The following CASKIN1 variants were observed in gnomAD, a reference collection of about 807,000 sequenced individuals.
CASKIN1 encodes the protein caskin-1.
CASKIN1 carries 42 observed loss-of-function variants against 117.5 expected under a neutral mutation model. The ratio of observed to expected loss-of-function variants is 0.36; its 90% CI spans 0.28 to 0.46. CASKIN1 has a LOEUF of 0.46. Ranked by LOEUF, CASKIN1 falls within the 20% of genes least tolerant of loss-of-function variation. CASKIN1 has a pLI of 1.00. For missense variants in CASKIN1, 2,083 were observed against 2,077.3 expected (o/e 1.00, Z -0.05); for synonymous variants, 1,148 against 961.7 (o/e 1.19, Z -3.59).
At position 2,179,361 on chromosome 16, in the gene CASKIN1, G is replaced by T; in HGVS notation, c.3776-36C>A. 1.5e-6 allele frequency: 2 copies of T among 1,323,854 alleles called. No homozygotes were observed. The highest frequency in any genetic ancestry group is 2.3e-5 in the South Asian group (1 of 43,740). The allele number at this position is 1,323,854 out of a possible 1,614,324, so 82.0% of individuals were successfully genotyped here. A position where few individuals can be genotyped will look rare whatever the true frequency, so the allele number is the denominator to read the frequency against. ...GACCACGCTGGCACCGAGCGGGCAC[G>T]AGTTCCGCCGCCGCGCCCCCTGCCC... On this transcript the variant is annotated intron_variant, in intron 18 of 19. Transcript: ENST00000343516. The surrounding 1 kb of genome is among the most constrained non-coding windows in gnomAD (Gnocchi z 5.8).
Position 2,180,975 on chromosome 16 carries a change from G to A in CASKIN1, c.2393C>T (p.Ala798Val). 6.8e-7 allele frequency: 1 copy of A among 1,474,070 alleles called. No individual in the cohort carries two copies. The highest frequency in any genetic ancestry group is 8.9e-7 in the Non-Finnish European group (1 of 1,117,910). The allele number at this position is 1,474,070 out of a possible 1,614,324, so 91.3% of individuals were successfully genotyped here. Residue 798 changes from alanine (A) to valine (V), a missense_variant, in exon 18 of 20, where the codon GCC (alanine) becomes GTC (valine). Physicochemically the swap from Ala to Val is moderately conservative, Grantham distance 64. Around this residue, in one of 3 missense-constraint regions of CASKIN1, gnomAD observed 1,818 missense variants for 1,688.9 expected, o/e 1.08. Transcript: ENST00000343516. The stretch of plus-strand genomic sequence containing the variant: ...GGGCTTCACCTTGGCCGTAGCTGGG[G>A]CTGGACCATGAGGTCCCCCAAGGGC... ...PQALGGPHGP[A>V]PATAKVKPTP... is the part of the protein sequence containing the mutation.
At position 2,179,876 on chromosome 16, in the gene CASKIN1, T is replaced by C. The variant is rs756516707; in HGVS notation, c.3492A>G (p.Pro1164=). The C allele has an allele frequency of 1.9e-6, 3 of 1,604,610 alleles. No individual in the cohort carries two copies. The highest frequency in any genetic ancestry group is 2.2e-5 in the South Asian group (2 of 90,254). The change falls in exon 18 of 20, where the codon CCA becomes CCG. Residue 1164 remains proline, a synonymous_variant. Coordinates refer to ENST00000343516, the MANE Select transcript of CASKIN1 (RefSeq NM_020764.4). This position sits in a 1 kb window ranked among gnomAD's most constrained non-coding sequence, Gnocchi z 5.8. The part of the protein sequence containing the change: ...AKEREAGPEP[P]PPLSVYHNGT... Reference sequence around the variant, plus strand: ...CATTATGGTACACGGACAGTGGCGGTGGTGGCTCAGGCCCGGCCTCCCGCT... The same window carrying C: ...CATTATGGTACACGGACAGTGGCGGCGGTGGCTCAGGCCCGGCCTCCCGCT...
chr16:2,187,105 G>A (rs2141321967), intron 8 of CASKIN1, 33 bp from the exon 9 acceptor site: 2 of 1,612,814 alleles, frequency 1.2e-6, no homozygotes, highest in Admixed American at 1.7e-5. Flanking sequence ...CCGAAGTCCT[G>A]CGGGCTGATC....
In CASKIN1 at chr16:2,181,038, G is replaced by T; in HGVS notation, c.2330C>A (p.Pro777His). The change falls in exon 18 of 20, where the codon CCC (proline) becomes CAC (histidine). Residue 777 changes from proline to histidine, a missense_variant. Physicochemically the swap from Pro to His is moderately conservative, Grantham distance 77. Around this residue, in one of 3 missense-constraint regions of CASKIN1, gnomAD observed 1,818 missense variants for 1,688.9 expected, o/e 1.08. Transcript: ENST00000343516. ...LPPGTSHFTP[P>H]QTPTKTRPGS... is the part of the protein sequence containing the mutation. ...TGGTCGGGTTTTGGTGGGCGTCTGG[G>T]GGGGCGTGAAGTGGCTAGTGCCTGG... is the stretch of plus-strand genomic sequence containing the variant. The T allele has an allele frequency of 1.3e-6, 2 of 1,487,428 alleles. No individual in the cohort carries two copies. Among genetic ancestry groups the T allele is most frequent in the Non-Finnish European group, 1.8e-6 (2 of 1,123,380 alleles). The allele number at this position is 1,487,428 out of a possible 1,614,324, so 92.1% of individuals were successfully genotyped here.
chr16:2,187,204 G>A lies in CASKIN1; in HGVS notation c.797C>T (p.Thr266Met), dbSNP rs766252873. 8.1e-6 allele frequency: 13 copies of A among 1,613,910 alleles called. No individual in the cohort carries two copies. The highest frequency in any genetic ancestry group is 3.3e-5 in the Admixed American group (2 of 60,006). Reference sequence around the variant, plus strand: ...CTTGATCTCCCTGCTGGCCTGGGACGTGGTGAACTGGTGCACGATGTCCAG... The same window carrying A: ...CTTGATCTCCCTGCTGGCCTGGGACATGGTGAACTGGTGCACGATGTCCAG... ...TALDIVHQFT[T>M]SQASREIKQL... Residue 266 changes from threonine to methionine, a missense_variant, in exon 8 of 20, where the codon ACG becomes ATG. By Grantham distance (81) the Thr-to-Met change is moderately conservative. Coordinates refer to ENST00000343516, the MANE Select transcript of CASKIN1 (RefSeq NM_020764.4).
intron 16 of CASKIN1, 57 bp downstream of exon 16, chr16:2,183,585 CTCTG>C (rs878972437): frequency 2.7e-4 from 397 of 1,495,952 alleles, no homozygotes; most frequent in Middle Eastern, 6.0e-4. Context: ...GAGGCAGGTT[CTCTG>C]TCTGTCTGTC....
chr16:2,177,183 G>GAGA lies in CASKIN1; in HGVS notation c.*1366_*1367insTCT. 4.1e-6 allele frequency: 1 copy of GAGA among 245,722 alleles called. No individual in the cohort carries two copies. The highest frequency in any genetic ancestry group is 8.1e-6 in the Non-Finnish European group (1 of 124,090). 15.2% of individuals were successfully genotyped at this position (245,722 alleles called of 1,614,324 possible). ...CCCAAAAAGTGAGCCAGGCACCTCT[G>GAGA]TTTCCTGCTGTTTATTGACAGCCGA... On this transcript the variant is annotated 3_prime_UTR_variant, in exon 20 of 20. Coordinates refer to ENST00000343516, the MANE Select transcript of CASKIN1 (RefSeq NM_020764.4).
chr16:2,184,005 C>G, intron 14 of CASKIN1, 64 bp from the exon 15 acceptor site: 43 of 1,130,534 alleles, frequency 3.8e-5, no homozygotes, highest in Non-Finnish European at 5.3e-5. Context: ...ACCACAGTGC[C>G]GCCTCCTCTG....
In CASKIN1 at chr16:2,181,140, C is replaced by T. The variant is rs762572509; in HGVS notation, c.2228G>A (p.Arg743Gln). The T allele has an allele frequency of 4.3e-5, 64 of 1,482,962 alleles. No homozygotes were observed. The highest frequency in any genetic ancestry group is 4.0e-4 in the Middle Eastern group (2 of 4,956). 91.9% of individuals were successfully genotyped at this position (1,482,962 alleles called of 1,614,324 possible). The change falls in exon 18 of 20, where the codon CGG becomes CAG. Residue 743 changes from arginine to glutamine, a missense_variant. Arg to Gln is a conservative substitution (Grantham distance 43). Around this residue, in one of 3 missense-constraint regions of CASKIN1, gnomAD observed 1,818 missense variants for 1,688.9 expected, o/e 1.08. Transcript: ENST00000343516. ...PAPGTPPREA[R>Q]PGRHGHSIKR... The stretch of plus-strand genomic sequence containing the variant: ...GATGCTGTGGCCGTGGCGGCCGGGC[C>T]GGGCCTCCCTGGGCGGGGTGCCGGG...
At position 2,179,487 on chromosome 16, in the gene CASKIN1, C is replaced by A; in HGVS notation, c.3775+106G>T. 3 of 1,390,840 alleles carry A rather than the reference C, an allele frequency of 2.2e-6. No homozygotes were observed. Among genetic ancestry groups the A allele is most frequent in the Admixed American group, 6.3e-5 (2 of 31,646 alleles). The allele number at this position is 1,390,840 out of a possible 1,614,324, so 86.2% of individuals were successfully genotyped here. A position where few individuals can be genotyped will look rare whatever the true frequency, so the allele number is the denominator to read the frequency against. On this transcript the variant is annotated intron_variant, in intron 18 of 19. Transcript: ENST00000343516. This position sits in a 1 kb window ranked among gnomAD's most constrained non-coding sequence, Gnocchi z 5.8. ...AGGGTCTGGGGACACGTTCCCACCCCACCTGGGCTTCCATCAAACCCAAGA... is the reference window on the plus strand; with the variant it reads ...AGGGTCTGGGGACACGTTCCCACCCAACCTGGGCTTCCATCAAACCCAAGA...
Position 2,184,836 on chromosome 16 carries a change from C to T in CASKIN1, c.1357G>A (p.Ala453Thr), listed in dbSNP as rs762014225. Reference sequence around the variant, plus strand: ...GGCTGCTCCCCATAGACCTGCCCGGCGTGGGCCACTGGAGGCTGGGACCGG... The same window carrying T: ...GGCTGCTCCCCATAGACCTGCCCGGTGTGGGCCACTGGAGGCTGGGACCGG... The part of the protein sequence containing the change: ...VARSQPPVAH[A>T]GQVYGEQPPK... The change falls in exon 14 of 20, where the codon GCC becomes ACC. Residue 453 changes from alanine (A) to threonine (T), a missense_variant. Ala to Thr is a moderately conservative substitution (Grantham distance 58). Coordinates refer to ENST00000343516, the MANE Select transcript of CASKIN1 (RefSeq NM_020764.4). 4.4e-5 allele frequency: 68 copies of T among 1,558,936 alleles called. 1 individual carries two copies. The highest frequency in any genetic ancestry group is 8.3e-5 in the South Asian group (7 of 84,664).
intron 1 of CASKIN1, among the ~76,000 whole-genome samples, chr16:2,195,140 G>C (rs549908294): frequency 6.6e-6 from 1 of 152,302 alleles, no homozygotes; most frequent in East Asian, 1.9e-4. Context: ...CTGAGCCCCC[G>C]GACCTGAAAT....
At chr16:2,190,883 C>T (rs2141326845) in intron 1 of CASKIN1, among the ~76,000 whole-genome samples, 1 of 152,356 alleles carries the variant, frequency 6.6e-6, no homozygotes, top group East Asian at 1.9e-4. Flanking sequence ...GGGCCACAGC[C>T]AGTGTGGATG....
intron 1 of CASKIN1, among the ~76,000 whole-genome samples, chr16:2,194,170 G>T (rs1053501139): frequency 6.6e-6 from 1 of 152,184 alleles, no homozygotes; most frequent in African/African-American, 2.4e-5. Context: ...AGGGGGATGG[G>T]GAGCTGGCCC....
At position 2,181,135 on chromosome 16, in the gene CASKIN1, C is replaced by G. The variant is rs764900493; in HGVS notation, c.2233G>C (p.Gly745Arg). 3 of 1,478,118 alleles carry G rather than the reference C, an allele frequency of 2.0e-6. No homozygotes were observed. In the South Asian group the frequency reaches 4.2e-5, roughly 20 times the overall value. 91.6% of individuals were successfully genotyped at this position (1,478,118 alleles called of 1,614,324 possible). A position where few individuals can be genotyped will look rare whatever the true frequency, so the allele number is the denominator to read the frequency against. ...PGTPPREARP[G>R]RHGHSIKRAS... ...CTCTTGATGCTGTGGCCGTGGCGGC[C>G]GGGCCGGGCCTCCCTGGGCGGGGTG... Residue 745 changes from glycine to arginine, a missense_variant, in exon 18 of 20, where the codon GGC (glycine) becomes CGC (arginine). Gly to Arg is a moderately radical substitution (Grantham distance 125). This residue lies in a region of CASKIN1 where 1,818 missense variants were observed against 1,688.9 expected (regional missense o/e 1.08). Coordinates refer to ENST00000343516, the MANE Select transcript of CASKIN1 (RefSeq NM_020764.4).
intron 6 of CASKIN1, 68 bp downstream of exon 6, chr16:2,188,959 C>T: frequency 6.5e-7 from 1 of 1,547,076 alleles, no homozygotes; most frequent in Admixed American, 1.9e-5. Context: ...AGCTGGTGCC[C>T]TGAGCCCCAG....
At chr16:2,193,584 C>G (rs556912228) in intron 1 of CASKIN1, among the ~76,000 whole-genome samples, 32 of 152,354 alleles carry the variant, frequency 2.1e-4, no homozygotes, top group African/African-American at 7.5e-4. Context: ...ACAGCTGAGG[C>G]AGCCAGTGTG....
In CASKIN1 at chr16:2,178,362, T is replaced by C. The variant is rs1246683957; in HGVS notation, c.*188A>G. 7 of 467,670 alleles carry C rather than the reference T, an allele frequency of 1.5e-5. No homozygotes were observed. Among genetic ancestry groups the C allele is most frequent in the Non-Finnish European group, 2.3e-5 (6 of 264,952 alleles). The allele number at this position is 467,670 out of a possible 1,614,324, so 29.0% of individuals were successfully genotyped here. On this transcript the variant is annotated 3_prime_UTR_variant, in exon 20 of 20. Transcript: ENST00000343516. Reference sequence around the variant, plus strand: ...AGGACCCGCGGGCGCAGGGTCTGCCTAGAGCCCTTGGAGCCCCCGGCCAGG... The same window carrying C: ...AGGACCCGCGGGCGCAGGGTCTGCCCAGAGCCCTTGGAGCCCCCGGCCAGG...
intron 1 of CASKIN1, among the ~76,000 whole-genome samples, chr16:2,191,581 A>G (rs2093201867): frequency 6.6e-6 from 1 of 152,150 alleles, no homozygotes; most frequent in Non-Finnish European, 1.5e-5. Flanking sequence ...GCGATTACTA[A>G]TATTAGCCGT....
Sources: gnomAD v4.1 joint callset for allele counts (sites outside exome capture counted in the v4.1 genomes callset) on GRCh38, gnomAD v4.1.1 for gene constraint, gnomAD v4.1.1 regional missense constraint, Gnocchi (gnomAD v3.1) non-coding constraint, MANE v1.5 for transcripts, NCBI Gene and HGNC (gene_info 2026-07-23, HGNC 2026-07-21) for gene names.